The following SEMA6D variants were observed in gnomAD, a reference collection of about 807,000 sequenced individuals.
SEMA6D encodes the protein semaphorin 6D.
A neutral mutation model predicts 106.6 loss-of-function variants in SEMA6D; 35 were observed. That is an observed-to-expected ratio of 0.33 (90% CI 0.25 to 0.44). SEMA6D has a LOEUF of 0.44. Among genes scored for constraint, SEMA6D ranks in the 20% least tolerant of loss-of-function variants. The pLI is 1.00. For synonymous variants in SEMA6D, 499 were observed against 487.7 expected, an observed-to-expected ratio of 1.02 and a Z score of -0.31; for missense variants, 1,185 against 1,345.9, an observed-to-expected ratio of 0.88 and a Z score of 1.87.
chr15:47,689,143 G>A (rs2078531822), intron 4 of SEMA6D, among the ~76,000 whole-genome samples: 1 of 152,046 alleles, frequency 6.6e-6, no homozygotes, highest in Non-Finnish European at 1.5e-5. Flanking sequence ...ACTTTACATG[G>A]CATAATTTAT....
intron 1 of SEMA6D, among the ~76,000 whole-genome samples, chr15:47,758,759 A>G (rs2081908472): frequency 6.6e-6 from 1 of 152,210 alleles, no homozygotes; most frequent in South Asian, 2.1e-4. Flanking sequence ...TATTTGAAGG[A>G]CAAAAATCCA....
At chr15:47,247,751 TA>T (rs1192359002) in intron 1 of SEMA6D, among the ~76,000 whole-genome samples, 5 of 152,312 alleles carry the variant, frequency 3.3e-5, no homozygotes, top group South Asian at 2.1e-4. Flanking sequence ...TATTTGATTC[TA>T]AATATGTGAG....
chr15:47,424,671 C>G (rs968429359), intron 2 of SEMA6D, among the ~76,000 whole-genome samples: 3 of 152,014 alleles, frequency 2.0e-5, no homozygotes, highest in African/African-American at 7.2e-5. Flanking sequence ...AGAGCTAGGT[C>G]CTACTGATGT....
At chr15:47,574,840 C>T (rs944985523) in intron 3 of SEMA6D, among the ~76,000 whole-genome samples, 1 of 152,198 alleles carries the variant, frequency 6.6e-6, no homozygotes, top group East Asian at 1.9e-4. Flanking sequence ...CATTTCCCCA[C>T]ATTATTAAGA....
intron 1 of SEMA6D, among the ~76,000 whole-genome samples, chr15:47,362,616 A>G (rs1478819485): frequency 5.3e-5 from 8 of 152,064 alleles, no homozygotes; most frequent in African/African-American, 1.7e-4. Context: ...CTTCTTGGAG[A>G]TCATAGTAAT....
At chr15:47,714,527 A>G (rs12910903), upstream of SEMA6D, among the ~76,000 whole-genome samples, 45,369 of 152,108 alleles carry the variant, frequency 0.3, 8,408 homozygotes, top group Middle Eastern at 0.45. Context: ...TAATTTTCAG[A>G]TGACCGTTAT....
intron 1 of SEMA6D, among the ~76,000 whole-genome samples, chr15:47,335,329 A>G (rs1441421172): frequency 2.0e-5 from 3 of 152,166 alleles, no homozygotes; most frequent in African/African-American, 4.8e-5. Context: ...TCTGTGAACA[A>G]TCACAGATGG....
intron 3 of SEMA6D, among the ~76,000 whole-genome samples, chr15:47,522,294 C>A (rs2044611482): frequency 6.6e-6 from 1 of 152,192 alleles, no homozygotes; most frequent in African/African-American, 2.4e-5. Flanking sequence ...TAAATCTATA[C>A]AAGAAATATT....
At chr15:47,665,668 G>T (rs185059521) in intron 4 of SEMA6D, among the ~76,000 whole-genome samples, 440 of 152,250 alleles carry the variant, frequency 2.9e-3, no homozygotes, top group Non-Finnish European at 4.4e-3. Context: ...AAATTAGCTG[G>T]GCATGGTGAC....
intron 4 of SEMA6D, among the ~76,000 whole-genome samples, chr15:47,670,886 T>G (rs2078123414): frequency 6.6e-6 from 1 of 152,258 alleles, no homozygotes; most frequent in African/African-American, 2.4e-5. Context: ...GTAGGGATTT[T>G]GGTTTCCATT....
At chr15:47,207,986 C>T (rs1006154524) in intron 1 of SEMA6D, among the ~76,000 whole-genome samples, 11 of 68,518 alleles carry the variant, frequency 1.6e-4, no homozygotes, top group East Asian at 1.2e-3. Context: ...TAGCCACTGG[C>T]GCGCGCGCAC....
At chr15:47,561,437 C>G (rs971129100) in intron 3 of SEMA6D, among the ~76,000 whole-genome samples, 1 of 151,800 alleles carries the variant, frequency 6.6e-6, no homozygotes, top group African/African-American at 2.4e-5. Context: ...TAAACAAAGA[C>G]TGAAAGAATT....
intron 1 of SEMA6D, among the ~76,000 whole-genome samples, chr15:47,320,394 TG>T (rs2036877467): frequency 1.3e-5 from 2 of 151,904 alleles, no homozygotes; most frequent in African/African-American, 4.9e-5. Context: ...GATTTTGTTT[TG>T]CCTATTGTCC....
At chr15:47,601,205 A>G (rs1324669724) in intron 4 of SEMA6D, among the ~76,000 whole-genome samples, 1 of 152,156 alleles carries the variant, frequency 6.6e-6, no homozygotes, top group Non-Finnish European at 1.5e-5. Flanking sequence ...CTGATGTTCA[A>G]AAACAGAAGA....
intron 1 of SEMA6D, among the ~76,000 whole-genome samples, chr15:47,237,586 T>C (rs937465776): frequency 6.6e-6 from 1 of 152,038 alleles, no homozygotes; most frequent in Non-Finnish European, 1.5e-5. Context: ...CTTGGTAGTC[T>C]GGGTCCTCCT....
intron 3 of SEMA6D, among the ~76,000 whole-genome samples, chr15:47,506,599 A>AC (rs1555382656): frequency 0.012 from 1,675 of 137,876 alleles, 30 homozygotes; most frequent in East Asian, 0.046. Flanking sequence ...CACACACACA[A>AC]ACACACACAC....
chr15:47,753,060 G>A (rs1352993173), intron 1 of SEMA6D, among the ~76,000 whole-genome samples: 1 of 152,046 alleles, frequency 6.6e-6, no homozygotes, highest in Non-Finnish European at 1.5e-5. Context: ...CAATGGGAAA[G>A]GAGAAAACTG....
At chr15:47,519,428 G>C (rs1268018747) in intron 3 of SEMA6D, among the ~76,000 whole-genome samples, 1 of 152,104 alleles carries the variant, frequency 6.6e-6, no homozygotes, top group African/African-American at 2.4e-5. Context: ...ATTATGAAGA[G>C]CATTACTGTA....
intron 3 of SEMA6D, among the ~76,000 whole-genome samples, chr15:47,592,047 T>G (rs762169545): frequency 6.6e-6 from 1 of 152,210 alleles, no homozygotes; most frequent in Admixed American, 6.5e-5. Flanking sequence ...TGTTTCCTGC[T>G]GTCAGTGGCA....
Sources: gnomAD v4.1 joint callset for allele counts (sites outside exome capture counted in the v4.1 genomes callset) on GRCh38, gnomAD v4.1.1 for gene constraint, MANE v1.5 for transcripts, NCBI Gene and HGNC (gene_info 2026-07-23, HGNC 2026-07-21) for gene names.